The following ANKAR variants were observed in gnomAD, a reference collection of about 807,000 sequenced individuals.
ANKAR encodes ankyrin and armadillo repeat containing.
ANKAR carries 136 observed loss-of-function variants against 146.2 expected under a neutral mutation model. That is an observed-to-expected ratio of 0.93 (90% CI 0.81 to 1.07). The LOEUF is 1.07. Ranked by LOEUF, ANKAR falls within the 50% of genes least tolerant of loss-of-function variation. The pLI, the probability that ANKAR is intolerant of heterozygous loss-of-function variation, is 0.00. For synonymous variants in ANKAR, 500 were observed against 575.8 expected (o/e 0.87, Z 1.88); for missense variants, 1,567 against 1,679.9 (o/e 0.93, Z 1.18).
intron 7 of ANKAR, among the ~76,000 whole-genome samples, chr2:189,697,982 A>G (rs1437891): frequency 0.6 from 90,502 of 151,858 alleles, 30,571 homozygotes; most frequent in South Asian, 0.76. Context: ...ATACATCTAC[A>G]TAGTCATTTT....
chr2:189,750,555 G>C (rs550786340), downstream of ANKAR: 6 of 1,339,274 alleles, frequency 4.5e-6, no homozygotes, highest in East Asian at 1.4e-4. Flanking sequence ...ACTACCTTTA[G>C]GGACTTTTTT....
intron 7 of ANKAR, among the ~76,000 whole-genome samples, chr2:189,704,371 G>T (rs186291112): frequency 6.7e-6 from 1 of 150,116 alleles, no homozygotes; most frequent in Non-Finnish European, 1.5e-5. Flanking sequence ...TCTCAAACTC[G>T]TGACCTCAGG....
intron 12 of ANKAR, among the ~76,000 whole-genome samples, chr2:189,727,261 C>T (rs922121684): frequency 6.6e-6 from 1 of 152,038 alleles, no homozygotes; most frequent in Non-Finnish European, 1.5e-5. Flanking sequence ...CATACTCAAA[C>T]ACAGTAACAT....
intron 9 of ANKAR, among the ~76,000 whole-genome samples, chr2:189,709,654 C>T (rs554707829): frequency 6.6e-6 from 1 of 152,282 alleles, no homozygotes; most frequent in Admixed American, 6.5e-5. Context: ...TCTACTGATT[C>T]AAGAAGTCTG....
intron 17 of ANKAR, among the ~76,000 whole-genome samples, chr2:189,735,026 T>A (rs920266660): frequency 6.7e-6 from 1 of 150,118 alleles, no homozygotes. Context: ...ATATATAAAA[T>A]ATATATATAT....
In ANKAR at chr2:189,679,932, C is replaced by T. The variant is rs141174958; in HGVS notation, c.601+2841C>T. On this transcript the variant is annotated intron_variant, in intron 2 of 22. Transcript: ENST00000684021. ...GTTTTCTTTTTTTGTTATGTCCTTT[C>T]CTGGTTTGGATATTAGGGTGATACT... Among the ~76,000 whole-genome samples, 936 of 152,078 alleles carry T rather than the reference C, an allele frequency of 6.2e-3. 17 individuals are homozygous for T. The highest frequency in any genetic ancestry group is 0.021 in the African/African-American group (872 of 41,484).
chr2:189,741,420 T>C lies in ANKAR; in HGVS notation c.3779T>C (p.Leu1260Pro), dbSNP rs371905812. ...AFTTLGTIQR[L>P]CYHLYSGIEE... ...ACCACATTAGGAACAATCCAACGGCTCTGCTATCATTTGTACTCGGGAATA... is the reference window on the plus strand; with the variant it reads ...ACCACATTAGGAACAATCCAACGGCCCTGCTATCATTTGTACTCGGGAATA... Residue 1260 changes from leucine (L) to proline (P), a missense_variant, in exon 20 of 23, where the codon CTC becomes CCC. Transcript: ENST00000684021. The C allele has an allele frequency of 1.4e-5, 22 of 1,611,448 alleles. No individual in the cohort carries two copies. The highest frequency in any genetic ancestry group is 1.4e-5 in the Non-Finnish European group (17 of 1,178,726).
At chr2:189,752,559 A>ATT in intron 18 of ANKAR, 1 of 1,171,850 alleles carries the variant, frequency 8.5e-7, no homozygotes, top group Non-Finnish European at 1.2e-6. Context: ...AAGTACCACC[A>ATT]GAATGTCAAT....
intron 9 of ANKAR, among the ~76,000 whole-genome samples, chr2:189,709,776 G>A (rs1281091468): frequency 6.6e-6 from 1 of 152,172 alleles, no homozygotes; most frequent in African/African-American, 2.4e-5. Flanking sequence ...GCATGCATTT[G>A]TATCATTTCG....
At position 189,737,721 on chromosome 2, in the gene ANKAR, T is replaced by C; in HGVS notation, c.3462T>C (p.Phe1154=). 6 of 1,599,718 alleles carry C rather than the reference T, an allele frequency of 3.8e-6. No homozygotes were observed. The highest frequency in any genetic ancestry group is 5.1e-6 in the Non-Finnish European group (6 of 1,176,570). ...CLRAGYALTL[F]AFNNRFQQYL... ...GAGCAGGCTATGCATTAACACTTTTTGCCTTCAATAATCGCTTTCAACAAT... is the reference window on the plus strand; with the variant it reads ...GAGCAGGCTATGCATTAACACTTTTCGCCTTCAATAATCGCTTTCAACAAT... Residue 1154 remains phenylalanine, a synonymous_variant, in exon 18 of 23, where the codon TTT becomes TTC. Transcript: ENST00000684021.
intron 3 of ANKAR, among the ~76,000 whole-genome samples, chr2:189,690,885 C>T (rs2036289344): frequency 6.6e-6 from 1 of 151,962 alleles, no homozygotes; most frequent in Non-Finnish European, 1.5e-5. Flanking sequence ...ATATGACTAA[C>T]GTTAATAGTT....
intron 2 of ANKAR, among the ~76,000 whole-genome samples, chr2:189,677,598 G>A (rs897024580): frequency 6.6e-6 from 1 of 151,342 alleles, no homozygotes. Context: ...CCCCATCCAT[G>A]TTTCTGTGAA....
rs761030743 is a variant in ANKAR at position 189,730,489 on chromosome 2, T to C, written c.3194-6T>C. On this transcript the variant is annotated splice_region_variant and splice_polypyrimidine_tract_variant and intron_variant, in intron 15 of 22. Coordinates refer to ENST00000684021, the MANE Select transcript of ANKAR (RefSeq NM_001378068.1). ...AATATTACCTCACTGGCGTGGACTC[T>C]TACAGGTGTAGCCCATACAAGCAAT... The C allele has an allele frequency of 3.9e-6, 6 of 1,556,544 alleles. No homozygotes were observed. The Admixed American group carries it at 7.4e-5, about 19-fold the overall frequency.
chr2:189,704,053 T>A (rs1313975469), intron 7 of ANKAR, among the ~76,000 whole-genome samples: 1 of 152,122 alleles, frequency 6.6e-6, no homozygotes, highest in Non-Finnish European at 1.5e-5. Context: ...ATTGCTATTA[T>A]GCTTTGGGAG....
chr2:189,730,456 TG>T (rs1559131936), intron 15 of ANKAR, 38 bp from the exon 16 acceptor site: 1 of 1,309,954 alleles, frequency 7.6e-7, no homozygotes, highest in South Asian at 1.4e-5. Flanking sequence ...ATTTGTAAGA[TG>T]GAAAAAAATA....
Position 189,719,587 on chromosome 2 carries a change from TAATC to T in ANKAR, c.2245_2248del (p.Asn749TyrfsTer2). Reference sequence around the variant, plus strand: ...GTCATTACAGGCACCATTCCTGCCTTAATCAATCTATTAAAAAGTTCCAAAATAA... The same window carrying T: ...GTCATTACAGGCACCATTCCTGCCTTAATCTATTAAAAAGTTCCAAAATAA... On this transcript the variant is annotated frameshift_variant, in exon 11 of 23. Transcript: ENST00000684021. LOFTEE classifies it high-confidence loss of function. 2 of 1,610,750 alleles carry T rather than the reference TAATC, an allele frequency of 1.2e-6. No homozygotes were observed. The highest frequency in any genetic ancestry group is 8.5e-7 in the Non-Finnish European group (1 of 1,177,542).
intron 3 of ANKAR, 143 bp downstream of exon 3, chr2:189,690,107 AT>A: frequency 2.1e-6 from 1 of 480,030 alleles, no homozygotes; most frequent in East Asian, 3.6e-5. Context: ...AATGTCTCTA[AT>A]GTAATTAAAA....
intron 2 of ANKAR, among the ~76,000 whole-genome samples, chr2:189,680,143 A>C (rs2034425866): frequency 6.6e-6 from 1 of 152,044 alleles, no homozygotes; most frequent in Non-Finnish European, 1.5e-5. Context: ...GTCTGTTCAG[A>C]GTTTCTGTTT....
In ANKAR at chr2:189,754,441, A is replaced by G. The variant is rs562547248; in HGVS notation, c.*585-6657A>G. On this transcript the variant is annotated intron_variant and NMD_transcript_variant, in intron 18 of 18. Transcript: ENST00000441800. ...AATTGAAAATTACTAACAAAACAAAAAACCCCTGAATGAATAAAACATGCT... is the reference window on the plus strand; with the variant it reads ...AATTGAAAATTACTAACAAAACAAAGAACCCCTGAATGAATAAAACATGCT... The G allele has an allele frequency of 2.9e-4, 331 of 1,148,666 alleles. 1 individual carries two copies. Among genetic ancestry groups the G allele is most frequent in the Admixed American group, 2.0e-3 (70 of 35,466 alleles). 71.2% of individuals were successfully genotyped at this position (1,148,666 alleles called of 1,614,324 possible). A position where few individuals can be genotyped will look rare whatever the true frequency, so the allele number is the denominator to read the frequency against.
Sources: allele counts gnomAD v4.1 joint callset (sites outside exome capture counted in the v4.1 genomes callset), GRCh38; gene constraint gnomAD v4.1.1; transcripts MANE v1.5; gene names NCBI Gene and HGNC (gene_info 2026-07-23, HGNC 2026-07-21).